The following PUDP variants were observed in gnomAD, a reference collection of about 807,000 sequenced individuals.
The protein encoded by PUDP is pseudouridine-5'-phosphatase.
In PUDP, 8 loss-of-function variants were observed where a neutral mutation model predicts 9.4. The ratio of observed to expected loss-of-function variants is 0.85; its 90% CI spans 0.50 to 1.53. PUDP has a LOEUF of 1.53. PUDP is among the 40% of genes most tolerant of loss of function. The probability of loss-of-function intolerance (pLI) is 0.00; values close to 1 mark genes in which losing one functional copy is unlikely to be tolerated. For missense variants in PUDP, 188 were observed against 189.7 expected, an observed-to-expected ratio of 0.99 and a Z score of 0.05; for synonymous variants, 99 against 80.7, an observed-to-expected ratio of 1.23 and a Z score of -1.22.
chrX:7,013,760 G>A (rs868505256), intron 1 of PUDP, among the ~76,000 whole-genome samples: 1 of 111,915 alleles, frequency 8.9e-6, no homozygotes, highest in Non-Finnish European at 1.9e-5. Context: ...CTCCAGCCCC[G>A]CAGTAGTGTC....
chrX:7,146,281 T>C (rs1932857428), intron 1 of PUDP, among the ~76,000 whole-genome samples: 1 of 112,049 alleles, frequency 8.9e-6, no homozygotes, highest in South Asian at 3.7e-4. Context: ...CATGGCTATG[T>C]GTGAATCTAG....
chrX:6,708,447 G>A (rs1212061721), intron 1 of PUDP, among the ~76,000 whole-genome samples: 2 of 111,837 alleles, frequency 1.8e-5, no homozygotes, highest in African/African-American at 6.5e-5. Flanking sequence ...AAGAAATGCT[G>A]AGGAGATTAA....
chrX:6,770,657 T>C (rs1925350218), intron 3 of PUDP, among the ~76,000 whole-genome samples: 1 of 111,137 alleles, frequency 9.0e-6, no homozygotes, highest in South Asian at 3.9e-4. Flanking sequence ...AGGAGATACA[T>C]AGGATTGCCG....
intron 1 of PUDP, among the ~76,000 whole-genome samples, chrX:7,108,123 G>C (rs963407370): frequency 8.9e-6 from 1 of 112,713 alleles, no homozygotes; most frequent in Non-Finnish European, 1.9e-5. Context: ...CTGCTGTCTT[G>C]AGAAAAAGTT....
At chrX:6,917,167 C>A (rs1018159963) in intron 3 of PUDP, among the ~76,000 whole-genome samples, 11 of 110,979 alleles carry the variant, frequency 9.9e-5, no homozygotes, top group Non-Finnish European at 1.7e-4. Flanking sequence ...GAGTTTGAGA[C>A]CAGCCTGGGC....
At chrX:6,906,819 T>C (rs939984776) in intron 3 of PUDP, among the ~76,000 whole-genome samples, 9 of 111,882 alleles carry the variant, frequency 8.0e-5, no homozygotes, top group African/African-American at 2.9e-4. Context: ...GAGACACCTG[T>C]GGCAGCTTCC....
intron 2 of PUDP, among the ~76,000 whole-genome samples, chrX:7,078,082 G>A (rs1930970484): frequency 8.9e-6 from 1 of 111,739 alleles, no homozygotes; most frequent in African/African-American, 3.3e-5. Flanking sequence ...CAACAGCAAC[G>A]TGCCATATGA....
intron 1 of PUDP, among the ~76,000 whole-genome samples, chrX:7,133,212 C>T (rs768242634): frequency 2.7e-5 from 3 of 111,388 alleles, no homozygotes; most frequent in African/African-American, 6.5e-5. Context: ...CTTGGCCACG[C>T]GGGTAGGAAG....
chrX:6,716,638 T>TA (rs1488868953), intron 1 of PUDP, among the ~76,000 whole-genome samples: 4 of 80,615 alleles, frequency 5.0e-5, no homozygotes, highest in African/African-American at 1.9e-4. Flanking sequence ...TGTATGTATG[T>TA]ATTTTTTTTT....
intron 2 of PUDP, among the ~76,000 whole-genome samples, chrX:7,095,221 G>A (rs527507501): frequency 8.9e-6 from 1 of 112,303 alleles, no homozygotes; most frequent in African/African-American, 3.2e-5. Flanking sequence ...ACCTGGGTTC[G>A]AGGCCAGCCT....
intron 3 of PUDP, among the ~76,000 whole-genome samples, chrX:6,876,890 T>C (rs1177837369): frequency 9.1e-6 from 1 of 109,581 alleles, no homozygotes; most frequent in African/African-American, 3.3e-5. Flanking sequence ...TAGACACATA[T>C]ACATATAGAC....
At chrX:6,733,770 C>CTTTTT (rs3046297) in intron 3 of PUDP, among the ~76,000 whole-genome samples, 2,241 of 46,243 alleles carry the variant, frequency 0.048, 137 homozygotes, top group Non-Finnish European at 0.053. Flanking sequence ...AAAGCAAAGC[C>CTTTTT]TTTTTTTTTT....
At chrX:6,875,443 A>C (rs7471544) in intron 3 of PUDP, among the ~76,000 whole-genome samples, 10,257 of 111,169 alleles carry the variant, frequency 0.092, 610 homozygotes, top group East Asian at 0.46. Context: ...CACATTCATA[A>C]ACTTTTGATT....
chrX:7,088,723 T>C (rs1224282563), intron 2 of PUDP, among the ~76,000 whole-genome samples: 1 of 112,410 alleles, frequency 8.9e-6, no homozygotes, highest in Non-Finnish European at 1.9e-5. Flanking sequence ...AATTGCCCTC[T>C]GACTCTAGCA....
At chrX:6,713,632 G>GT (rs1924560451) in intron 1 of PUDP, among the ~76,000 whole-genome samples, 1 of 111,105 alleles carries the variant, frequency 9.0e-6, no homozygotes, top group South Asian at 3.7e-4. Context: ...TAACCCCATC[G>GT]TAAGTGGAGG....
intron 3 of PUDP, among the ~76,000 whole-genome samples, chrX:6,740,897 G>A (rs754536590): frequency 2.7e-5 from 3 of 111,895 alleles, no homozygotes; most frequent in African/African-American, 6.5e-5. Context: ...GGTGGCTCAC[G>A]CCTGTAATCC....
intron 1 of PUDP, among the ~76,000 whole-genome samples, chrX:7,012,309 ATAT>A (rs776491817): frequency 1.8e-5 from 2 of 112,359 alleles, no homozygotes; most frequent in South Asian, 7.4e-4. Flanking sequence ...TGCTACATAA[ATAT>A]TATTAGCAAG....
At chrX:6,900,431 G>A (rs993246140) in intron 3 of PUDP, among the ~76,000 whole-genome samples, 2 of 107,787 alleles carry the variant, frequency 1.9e-5, no homozygotes, top group African/African-American at 3.4e-5. Context: ...AAAACATGAT[G>A]TGTCTCCAAA....
At chrX:7,026,647 G>C (rs1929714593) in intron 1 of PUDP, among the ~76,000 whole-genome samples, 1 of 111,245 alleles carries the variant, frequency 9.0e-6, no homozygotes, top group Non-Finnish European at 1.9e-5. Flanking sequence ...GTGAACATTT[G>C]GTAATATCTA....
Sources: allele counts gnomAD v4.1 joint callset (sites outside exome capture counted in the v4.1 genomes callset), GRCh38; gene constraint gnomAD v4.1.1; transcripts MANE v1.5; gene names NCBI Gene and HGNC (gene_info 2026-07-23, HGNC 2026-07-21).